BST1: variants seen among roughly 807,000 people sequenced by gnomAD.
BST1 encodes the protein ADP-ribosyl cyclase/cyclic ADP-ribose hydrolase 2.
In BST1, 49 loss-of-function variants were observed where a neutral mutation model predicts 40.6. The observed-to-expected ratio is 1.21, with a 90% CI of 0.96 to 1.53. The LOEUF is 1.53. BST1 is among the 40% of genes most tolerant of loss of function. The pLI is 0.00. For missense variants in BST1, 423 were observed against 395.9 expected, an observed-to-expected ratio of 1.07 and a Z score of -0.58; for synonymous variants, 157 against 159.3, an observed-to-expected ratio of 0.99 and a Z score of 0.11.
At chr4:15,745,503 A>G in the BST1 span, among the ~76,000 whole-genome samples, 1 of 152,160 alleles carries the variant, frequency 6.6e-6, no homozygotes, top group African/African-American at 2.4e-5. Context: ...CTTTAAAATC[A>G]TGGTTTCTTC....
the BST1 span, among the ~76,000 whole-genome samples, chr4:15,770,478 G>A: frequency 6.6e-6 from 1 of 152,162 alleles, no homozygotes; most frequent in Non-Finnish European, 1.5e-5. Context: ...GCCGAGGCGG[G>A]TGGATCACCT....
chr4:15,703,743 A>G (rs1577561525), intron 1 of BST1, among the ~76,000 whole-genome samples: 2 of 116,374 alleles, frequency 1.7e-5, no homozygotes, highest in East Asian at 2.7e-4. Flanking sequence ...TGTGCTCTAG[A>G]GGTGAGGGGT....
chr4:15,739,877 G>A (rs1278612344), downstream of BST1, among the ~76,000 whole-genome samples: 3 of 151,912 alleles, frequency 2.0e-5, no homozygotes, highest in Non-Finnish European at 4.4e-5. Flanking sequence ...AGAAAGGGAG[G>A]GAGGGAAGTC....
At chr4:15,738,983 C>CAGG (rs1297483072), downstream of BST1, among the ~76,000 whole-genome samples, 1 of 152,174 alleles carries the variant, frequency 6.6e-6, no homozygotes, top group African/African-American at 2.4e-5. Context: ...AAGTGGAACT[C>CAGG]AGGACAATGA....
intron 7 of BST1, among the ~76,000 whole-genome samples, chr4:15,721,591 G>T (rs371148184): frequency 6.6e-5 from 10 of 150,682 alleles, no homozygotes; most frequent in Admixed American, 6.6e-4. Context: ...TCACTCACAG[G>T]TGGGAACTGA....
chr4:15,752,085 T>C, the BST1 span, among the ~76,000 whole-genome samples: 2,118 of 152,350 alleles, frequency 0.014, 54 homozygotes, highest in African/African-American at 0.048. Context: ...TGTGCTTTGA[T>C]CATTAATTCA....
intron 8 of BST1, among the ~76,000 whole-genome samples, chr4:15,726,629 T>TG (rs1212218954): frequency 1.3e-5 from 2 of 152,214 alleles, no homozygotes; most frequent in Non-Finnish European, 2.9e-5. Flanking sequence ...GATAGGGAAG[T>TG]GTCTGTGGTG....
the BST1 span, among the ~76,000 whole-genome samples, chr4:15,747,975 C>A: frequency 1.3e-5 from 2 of 152,164 alleles, no homozygotes; most frequent in African/African-American, 2.4e-5. Context: ...CTGTGTCCAG[C>A]CAACCTTATC....
At chr4:15,724,542 C>G (rs1437285101) in intron 8 of BST1, among the ~76,000 whole-genome samples, 1 of 151,932 alleles carries the variant, frequency 6.6e-6, no homozygotes, top group Non-Finnish European at 1.5e-5. Context: ...AAACATTAGC[C>G]AGGAGTGGTG....
chr4:15,771,400 A>C, the BST1 span, among the ~76,000 whole-genome samples: 1 of 152,228 alleles, frequency 6.6e-6, no homozygotes, highest in Non-Finnish European at 1.5e-5. Flanking sequence ...ACAGTGTTAG[A>C]CGTTTGTAGC....
At chr4:15,753,960 C>G in the BST1 span, among the ~76,000 whole-genome samples, 8 of 152,148 alleles carry the variant, frequency 5.3e-5, no homozygotes, top group Admixed American at 3.9e-4. Flanking sequence ...AGGGAGGAAG[C>G]CAGCTGAGGG....
the BST1 span, among the ~76,000 whole-genome samples, chr4:15,757,074 G>A: frequency 6.6e-6 from 1 of 152,116 alleles, no homozygotes; most frequent in Non-Finnish European, 1.5e-5. Flanking sequence ...TATTACCTGA[G>A]ATACTTTATT....
the BST1 span, among the ~76,000 whole-genome samples, chr4:15,771,954 C>T: frequency 6.6e-6 from 1 of 151,436 alleles, no homozygotes; most frequent in African/African-American, 2.4e-5. Context: ...GTGAGGAAAG[C>T]CAGGTACACA....
At chr4:15,715,437 G>T in intron 5 of BST1, 76 bp downstream of exon 5, 2 of 1,466,084 alleles carry the variant, frequency 1.4e-6, no homozygotes, top group African/African-American at 2.8e-5. Context: ...AGAGGCTAAA[G>T]AAAATTATCC....
At chr4:15,768,362 G>C in the BST1 span, among the ~76,000 whole-genome samples, 123 of 152,278 alleles carry the variant, frequency 8.1e-4, no homozygotes, top group African/African-American at 2.8e-3. Context: ...ATGGGTTTTA[G>C]AGTGGCTTTC....
the BST1 span, among the ~76,000 whole-genome samples, chr4:15,772,725 G>A: frequency 6.6e-6 from 1 of 152,210 alleles, no homozygotes; most frequent in African/African-American, 2.4e-5. Flanking sequence ...GTTAGAAAAG[G>A]CTTCCTGAGG....
chr4:15,754,722 T>C, the BST1 span, among the ~76,000 whole-genome samples: 1 of 152,222 alleles, frequency 6.6e-6, no homozygotes, highest in African/African-American at 2.4e-5. Context: ...TTAGTTTACA[T>C]TTGGTGATTT....
At chr4:15,742,974 C>G (rs1331163320), downstream of BST1, among the ~76,000 whole-genome samples, 1 of 152,210 alleles carries the variant, frequency 6.6e-6, no homozygotes, top group Admixed American at 6.5e-5. Flanking sequence ...GGAAAGAAAA[C>G]AAATTAATAT....
At chr4:15,737,559 C>T (rs958491534), downstream of BST1, among the ~76,000 whole-genome samples, 3 of 152,314 alleles carry the variant, frequency 2.0e-5, no homozygotes, top group African/African-American at 7.2e-5. Context: ...CCATGCCTGG[C>T]ACACTTAATG....
Sources: allele counts gnomAD v4.1 joint callset (sites outside exome capture counted in the v4.1 genomes callset), GRCh38; gene constraint gnomAD v4.1.1; transcripts MANE v1.5; gene names NCBI Gene and HGNC (gene_info 2026-07-23, HGNC 2026-07-21).